Variants in DPP10 observed in about 807,000 individuals in gnomAD.
DPP10 encodes the protein inactive dipeptidyl peptidase 10.
A neutral mutation model predicts 120.9 loss-of-function variants in DPP10; 33 were observed. The ratio of observed to expected loss-of-function variants is 0.27; its 90% CI spans 0.21 to 0.37. The LOEUF is 0.37. Ranked by LOEUF, DPP10 falls within the 10% of genes least tolerant of loss-of-function variation. DPP10 has a pLI of 1.00. For missense variants in DPP10, 816 were observed against 942.8 expected (o/e 0.87, Z 1.76); for synonymous variants, 337 against 326.1 (o/e 1.03, Z -0.36).
At chr2:115,365,532 A>AT (rs929478225) in intron 3 of DPP10, among the ~76,000 whole-genome samples, 5 of 151,004 alleles carry the variant, frequency 3.3e-5, no homozygotes, top group East Asian at 1.9e-4. Context: ...TTAAGAATTT[A>AT]TTTTTTTTTC....
chr2:114,610,475 T>C (rs1693198171), intron 1 of DPP10, among the ~76,000 whole-genome samples: 1 of 152,076 alleles, frequency 6.6e-6, no homozygotes, highest in African/African-American at 2.4e-5. Flanking sequence ...GAAAGAAATA[T>C]GCAAGATTCA....
intron 1 of DPP10, among the ~76,000 whole-genome samples, chr2:115,265,268 CATATATATAT>C (rs55778302): frequency 7.0e-6 from 1 of 142,498 alleles, no homozygotes; most frequent in Non-Finnish European, 1.5e-5. Context: ...CTTTGGATTC[CATATATATAT>C]ATATATATAT....
chr2:114,583,803 G>A (rs1042330031), intron 1 of DPP10, among the ~76,000 whole-genome samples: 5 of 152,104 alleles, frequency 3.3e-5, no homozygotes, highest in Non-Finnish European at 5.9e-5. Flanking sequence ...ATAAGATAAC[G>A]TATTTCAAAG....
intron 3 of DPP10, among the ~76,000 whole-genome samples, chr2:115,461,225 T>G (rs924277705): frequency 2.0e-5 from 3 of 152,070 alleles, no homozygotes; most frequent in African/African-American, 7.2e-5. Context: ...TAGTAAAATT[T>G]AAAACCTAGT....
At chr2:115,341,951 G>A (rs115292412) in intron 2 of DPP10, among the ~76,000 whole-genome samples, 300 of 152,194 alleles carry the variant, frequency 2.0e-3, no homozygotes, top group African/African-American at 7.0e-3. Flanking sequence ...CTCCTTTTGG[G>A]TAAATACAAA....
chr2:114,655,057 A>T (rs1434122562), intron 1 of DPP10, among the ~76,000 whole-genome samples: 2 of 152,184 alleles, frequency 1.3e-5, no homozygotes, highest in African/African-American at 4.8e-5. Flanking sequence ...TCGGTGCTTC[A>T]TACACAAAAT....
At chr2:115,431,810 T>C (rs2071011588) in intron 3 of DPP10, among the ~76,000 whole-genome samples, 1 of 151,966 alleles carries the variant, frequency 6.6e-6, no homozygotes, top group Admixed American at 6.6e-5. Context: ...AATTTAAAAG[T>C]AGAACAAGCA....
At chr2:115,274,190 CTTA>C (rs1574254921) in intron 1 of DPP10, among the ~76,000 whole-genome samples, 1 of 152,038 alleles carries the variant, frequency 6.6e-6, no homozygotes, top group African/African-American at 2.4e-5. Context: ...GAATGATAAT[CTTA>C]TTATATAAAT....
At chr2:114,549,673 A>C (rs1426572374) in intron 1 of DPP10, among the ~76,000 whole-genome samples, 1 of 103,686 alleles carries the variant, frequency 9.6e-6, no homozygotes, top group Non-Finnish European at 2.2e-5. Flanking sequence ...CAAAAAAAAA[A>C]AAAAAAAAAA....
rs180863592 is a variant in DPP10 at position 115,788,974 on chromosome 2, C to T, written c.1532-2107C>T. On this transcript the variant is annotated intron_variant, in intron 17 of 25. Transcript: ENST00000410059. ...TCTACTAAAAATACAAAAAATTAGC[C>T]GGGTGTGGTGGCGGGCGCCTGTAGT... Among the ~76,000 whole-genome samples the T allele has an allele frequency of 6.8e-3, 1,031 of 151,926 alleles. 41 individuals are homozygous for T. The highest frequency in any genetic ancestry group is 1.8e-3 in the Non-Finnish European group (122 of 67,948).
chr2:115,402,389 C>G (rs1324354536), intron 3 of DPP10, among the ~76,000 whole-genome samples: 2 of 152,076 alleles, frequency 1.3e-5, no homozygotes, highest in Non-Finnish European at 2.9e-5. Flanking sequence ...ATAGACAAAC[C>G]TTTAACTAGA....
At chr2:115,167,815 CTTTCA>C (rs921120698) in intron 1 of DPP10, among the ~76,000 whole-genome samples, 3 of 152,126 alleles carry the variant, frequency 2.0e-5, no homozygotes, top group Non-Finnish European at 2.9e-5. Context: ...TACATCCTGA[CTTTCA>C]TTCAATCAAA....
intron 11 of DPP10, among the ~76,000 whole-genome samples, chr2:115,755,030 C>T (rs919487846): frequency 3.9e-5 from 6 of 151,938 alleles, no homozygotes; most frequent in Non-Finnish European, 7.4e-5. Context: ...TGCATATATC[C>T]CGTAATTCAC....
chr2:115,210,274 G>T (rs562331531), intron 1 of DPP10, among the ~76,000 whole-genome samples: 25 of 152,190 alleles, frequency 1.6e-4, no homozygotes, highest in Middle Eastern at 3.4e-3. Context: ...TGTGGTGTTT[G>T]GTTTTCTGTC....
At chr2:115,278,681 T>G (rs549806764) in intron 1 of DPP10, among the ~76,000 whole-genome samples, 1 of 152,076 alleles carries the variant, frequency 6.6e-6, no homozygotes, top group African/African-American at 2.4e-5. Context: ...CAGGCTATTT[T>G]TAACAAACAC....
chr2:114,566,013 G>A (rs1226350448), intron 1 of DPP10, among the ~76,000 whole-genome samples: 1 of 152,182 alleles, frequency 6.6e-6, no homozygotes, highest in Non-Finnish European at 1.5e-5. Context: ...CCCTTATGGG[G>A]GTGGATGTCT....
intron 5 of DPP10, among the ~76,000 whole-genome samples, chr2:115,584,949 C>G (rs1013812922): frequency 6.6e-6 from 1 of 152,180 alleles, no homozygotes; most frequent in African/African-American, 2.4e-5. Flanking sequence ...GCAATTTACA[C>G]TATGGGATCT....
intron 1 of DPP10, among the ~76,000 whole-genome samples, chr2:114,513,519 C>T (rs1684333995): frequency 1.1e-5 from 1 of 87,682 alleles, no homozygotes; most frequent in Non-Finnish European, 2.2e-5. Context: ...GAAACTCTAC[C>T]TCAAAAAAAA....
intron 1 of DPP10, among the ~76,000 whole-genome samples, chr2:114,960,365 C>CTT (rs1558925348): frequency 9.7e-4 from 12 of 12,316 alleles, no homozygotes; most frequent in African/African-American, 2.6e-3. Flanking sequence ...AGTGTATGTG[C>CTT]GTATATATAT....
Sources: allele counts gnomAD v4.1 joint callset (sites outside exome capture counted in the v4.1 genomes callset), GRCh38; gene constraint gnomAD v4.1.1; transcripts MANE v1.5; gene names NCBI Gene and HGNC (gene_info 2026-07-23, HGNC 2026-07-21).